TUBGCP4: variants seen among roughly 807,000 people sequenced by gnomAD.
The protein encoded by TUBGCP4 is tubulin gamma complex component 4.
TUBGCP4 carries 54 observed loss-of-function variants against 91.6 expected under a neutral mutation model. The observed-to-expected ratio is 0.59, with a 90% CI of 0.47 to 0.74. The LOEUF is 0.74. Among genes scored for constraint, TUBGCP4 ranks in the 30% least tolerant of loss-of-function variants. The pLI, the probability that TUBGCP4 is intolerant of heterozygous loss-of-function variation, is 0.00. For missense variants in TUBGCP4, 593 were observed against 800.9 expected (o/e 0.74, Z 3.13); for synonymous variants, 297 against 302.8 (o/e 0.98, Z 0.20).
chr15:43,388,449 T>C (rs545508036), intron 9 of TUBGCP4, among the ~76,000 whole-genome samples: 1 of 152,340 alleles, frequency 6.6e-6, no homozygotes, highest in South Asian at 2.1e-4. Context: ...AGTAAATATC[T>C]AAATGACCCA....
intron 1 of TUBGCP4, among the ~76,000 whole-genome samples, chr15:43,372,813 CTTGT>C (rs1336531277): frequency 6.6e-6 from 1 of 152,188 alleles, no homozygotes; most frequent in East Asian, 1.9e-4. Context: ...TCTCCATCAA[CTTGT>C]TTATTTCCCT....
chr15:43,402,039 G>A (rs765766698), intron 15 of TUBGCP4, 189 bp downstream of exon 15: 24 of 581,192 alleles, frequency 4.1e-5, no homozygotes, highest in East Asian at 7.6e-5. Flanking sequence ...TTGGGAGGCC[G>A]AGGTGGGCGG....
intron 9 of TUBGCP4, chr15:43,394,905 T>A (rs989963094): frequency 3.4e-6 from 2 of 585,396 alleles, no homozygotes; most frequent in South Asian, 4.3e-5. Flanking sequence ...TCAACCTCTT[T>A]TCTTCATTAA....
At chr15:43,403,903 T>TAC in intron 16 of TUBGCP4, 104 bp downstream of exon 16, 1 of 768,672 alleles carries the variant, frequency 1.3e-6, no homozygotes, top group Non-Finnish European at 2.3e-6. Flanking sequence ...ATTTCCTCAA[T>TAC]ACACACACGT....
rs1447507462 is a variant in TUBGCP4, at chr15:43,401,780, A to G, written c.1661A>G (p.Glu554Gly). ...CAGATCAATTCTACCCGAGACTTTG[A>G]AAGCATCCGATTGGCTCATGACCAC... Reference protein sequence around the residue: ...LHQINSTRDFESIRLAHDHFL... With the variant: ...LHQINSTRDFGSIRLAHDHFL... The change falls in exon 15 of 18, where the codon GAA (glutamate) becomes GGA (glycine). Residue 554 changes from glutamate to glycine, a missense_variant. By Grantham distance (98) the Glu-to-Gly change is moderately conservative. Coordinates refer to ENST00000564079, the MANE Select transcript of TUBGCP4 (RefSeq NM_014444.5). 2 of 1,614,158 alleles carry G rather than the reference A, an allele frequency of 1.2e-6. No homozygotes were observed. The highest frequency in any genetic ancestry group is 1.7e-6 in the Non-Finnish European group (2 of 1,180,020).
At chr15:43,375,225 G>A (rs1482413212) in intron 1 of TUBGCP4, among the ~76,000 whole-genome samples, 6 of 152,214 alleles carry the variant, frequency 3.9e-5, no homozygotes, top group African/African-American at 1.4e-4. Context: ...CTTATATGAG[G>A]TAGCTAGAGT....
intron 3 of TUBGCP4, 59 bp from the exon 4 acceptor site, chr15:43,376,955 G>A: frequency 7.3e-7 from 1 of 1,378,722 alleles, no homozygotes. Context: ...CATTTTCATA[G>A]ATCAAATAGA....
At chr15:43,381,100 C>T (rs940911152) in intron 6 of TUBGCP4, among the ~76,000 whole-genome samples, 2 of 152,154 alleles carry the variant, frequency 1.3e-5, no homozygotes, top group African/African-American at 4.8e-5. Context: ...AGCCACCGCA[C>T]CCGGCCACTC....
chr15:43,383,581 TCCCTTCTTAGCTCATA>T (rs915540493), intron 7 of TUBGCP4, 77 bp downstream of exon 7: 1 of 1,353,654 alleles, frequency 7.4e-7, no homozygotes, highest in African/African-American at 1.5e-5. Flanking sequence ...CTTCTGGTGA[TCCCTTCTTAGCTCATA>T]GCTGAGCACC....
chr15:43,400,416 G>C (rs2142876776), intron 14 of TUBGCP4, among the ~76,000 whole-genome samples, 195 bp downstream of exon 14: 1 of 152,004 alleles, frequency 6.6e-6, no homozygotes, highest in East Asian at 1.9e-4. Flanking sequence ...TTATTTTTTA[G>C]AGACAGGGTC....
rs780395127 is a variant in TUBGCP4 at position 43,385,823 on chromosome 15, A to G, written c.756A>G (p.Pro252=). The change falls in exon 8 of 18, where the codon CCA becomes CCG. Residue 252 remains proline (P), a synonymous_variant. Transcript: ENST00000564079. The part of the protein sequence containing the change: ...RLIEEENMLA[P]SLKQFSLRVE... ...TTGAGGAAGAGAACATGCTGGCACC[A>G]TCTCTGAAGCAGTTTTCCCTACGAG... 1.2e-6 allele frequency: 2 copies of G among 1,614,040 alleles called. No individual in the cohort carries two copies. Among genetic ancestry groups the G allele is most frequent in the African/African-American group, 2.7e-5 (2 of 74,908 alleles).
At chr15:43,376,960 A>T in intron 3 of TUBGCP4, 54 bp from the exon 4 acceptor site, 1 of 1,421,668 alleles carries the variant, frequency 7.0e-7, no homozygotes, top group Admixed American at 1.7e-5. Flanking sequence ...TCATAGATCA[A>T]ATAGATTTGA....
At chr15:43,377,639 A>G (rs2142772691) in intron 4 of TUBGCP4, 2 of 510,598 alleles carry the variant, frequency 3.9e-6, no homozygotes, top group East Asian at 7.4e-5. Flanking sequence ...GAAAAAAGAA[A>G]AAAAAGAAAC....
chr15:43,407,976 CAG>C lies in TUBGCP4; in HGVS notation c.*2765_*2766del. The C allele has an allele frequency of 6.2e-7, 1 of 1,613,852 alleles. No individual in the cohort carries two copies. Among genetic ancestry groups the C allele is most frequent in the Non-Finnish European group, 8.5e-7 (1 of 1,179,980 alleles). On this transcript the variant is annotated 3_prime_UTR_variant, in exon 18 of 18. Coordinates refer to ENST00000564079, the MANE Select transcript of TUBGCP4 (RefSeq NM_014444.5). ...TGGGCACTTGAATGGTGCTGCTTCA[CAG>C]AGGCTGCACCACCAGTCATGAGGAT...
chr15:43,393,350 C>T (rs2044513283), intron 9 of TUBGCP4, among the ~76,000 whole-genome samples: 2 of 151,878 alleles, frequency 1.3e-5, no homozygotes, highest in Admixed American at 1.3e-4. Context: ...GCTGGGATTA[C>T]AGGCACCCGC....
chr15:43,379,636 G>A (rs1408114190), intron 5 of TUBGCP4, among the ~76,000 whole-genome samples: 5 of 133,490 alleles, frequency 3.7e-5, no homozygotes, highest in East Asian at 2.1e-4. Context: ...GCAAGACTCC[G>A]TCTCAAAAAA....
intron 6 of TUBGCP4, among the ~76,000 whole-genome samples, chr15:43,380,917 A>G (rs963266950): frequency 4.6e-5 from 7 of 152,204 alleles, no homozygotes; most frequent in African/African-American, 1.7e-4. Flanking sequence ...TTGAAAAATT[A>G]TAATAGATGA....
chr15:43,385,689 G>A lies in TUBGCP4; in HGVS notation c.724-102G>A, dbSNP rs150591045. 2,207 of 1,259,556 alleles carry A rather than the reference G, an allele frequency of 1.8e-3. 26 individuals are homozygous for A. The African/African-American group carries it at 0.028, about 16-fold the overall frequency. 78.0% of individuals were successfully genotyped at this position (1,259,556 alleles called of 1,614,324 possible). A position where few individuals can be genotyped will look rare whatever the true frequency, so the allele number is the denominator to read the frequency against. ...GCAACACCAGATTTGAAGTCCCTGC[G>A]TCTTTATTTTAAATCATGGGTTGGG... On this transcript the variant is annotated intron_variant, in intron 7 of 17. Transcript: ENST00000564079.
chr15:43,394,991 A>G (rs2044556911), intron 9 of TUBGCP4, 116 bp from the exon 10 acceptor site: 2 of 1,085,876 alleles, frequency 1.8e-6, no homozygotes, highest in Non-Finnish European at 2.8e-6. Context: ...AAATTTTTCT[A>G]TGTGGGGCAA....
Sources: gnomAD v4.1 joint callset for allele counts (sites outside exome capture counted in the v4.1 genomes callset) on GRCh38, gnomAD v4.1.1 for gene constraint, MANE v1.5 for transcripts, NCBI Gene and HGNC (gene_info 2026-07-23, HGNC 2026-07-21) for gene names.